SRGAP1: variants seen among roughly 807,000 people sequenced by gnomAD.
SRGAP1 encodes SLIT-ROBO Rho GTPase-activating protein 1.
SRGAP1 carries 43 observed loss-of-function variants against 121.9 expected under a neutral mutation model. That is an observed-to-expected ratio of 0.35 (90% confidence interval 0.28 to 0.46). SRGAP1 has a LOEUF of 0.46. SRGAP1 is among the 20% of genes least tolerant of loss of function. The pLI is 1.00. For synonymous variants in SRGAP1, 447 were observed against 485.4 expected (o/e 0.92, Z 1.04); for missense variants, 1,102 against 1,350.9 (o/e 0.82, Z 2.89).
At chr12:63,964,294 ATATGAT>A (rs1368199439) in intron 1 of SRGAP1, among the ~76,000 whole-genome samples, 4 of 152,234 alleles carry the variant, frequency 2.6e-5, no homozygotes. Flanking sequence ...CTATAGCAAT[ATATGAT>A]TATAATTGTT....
At chr12:63,978,796 G>T (rs933579691) in intron 1 of SRGAP1, among the ~76,000 whole-genome samples, 1 of 152,116 alleles carries the variant, frequency 6.6e-6, no homozygotes, top group African/African-American at 2.4e-5. Flanking sequence ...TTTCCAAAAG[G>T]ACTGCATCAT....
intron 1 of SRGAP1, among the ~76,000 whole-genome samples, chr12:63,891,851 G>A (rs755766215): frequency 2.0e-5 from 3 of 151,796 alleles, no homozygotes; most frequent in Admixed American, 6.6e-5. Flanking sequence ...GCTGGGTGTG[G>A]TGGCAGACAC....
chr12:63,989,856 C>G (rs1396345303), intron 2 of SRGAP1, 54 bp from the exon 3 acceptor site: 2 of 1,474,650 alleles, frequency 1.4e-6, no homozygotes, highest in African/African-American at 2.8e-5. Flanking sequence ...CTTCACTCAT[C>G]TGATTGGGGC....
chr12:64,015,921 T>C (rs1001724440), intron 3 of SRGAP1, among the ~76,000 whole-genome samples: 2 of 152,218 alleles, frequency 1.3e-5, no homozygotes, highest in Admixed American at 6.5e-5. Flanking sequence ...AAAAGGTCAT[T>C]TGGATATATG....
intron 1 of SRGAP1, among the ~76,000 whole-genome samples, chr12:63,948,994 T>A (rs58437776): frequency 1.2e-4 from 17 of 139,198 alleles, no homozygotes; most frequent in African/African-American, 4.4e-4. Flanking sequence ...TCCATATATG[T>A]ATTTTCCATA....
rs540060309 is a variant in SRGAP1 at position 64,029,082 on chromosome 12, C to A, written c.489+12070C>A. 3.3e-4 allele frequency among the ~76,000 whole-genome samples: 50 copies of A among 152,258 alleles called. 1 individual carries two copies. The South Asian group carries it at 0.01, about 32-fold the overall frequency. On this transcript the variant is annotated intron_variant, in intron 4 of 21. Transcript: ENST00000355086. ...GTATTTGAACCCAAGCATTCTGATT[C>A]CTGGGATGAGCCATTAGAGCTGTTC...
At chr12:63,990,430 G>C (rs905207672) in intron 3 of SRGAP1, among the ~76,000 whole-genome samples, 4 of 152,178 alleles carry the variant, frequency 2.6e-5, no homozygotes, top group Non-Finnish European at 5.9e-5. Context: ...TACTTGGGAG[G>C]CTGAGGCAGG....
Position 64,040,710 on chromosome 12 carries a change from G to A in SRGAP1, c.490-2080G>A, listed in dbSNP as rs184804621. Among the ~76,000 whole-genome samples, 44 of 152,196 alleles carry A rather than the reference G, an allele frequency of 2.9e-4. 1 individual carries two copies. Among genetic ancestry groups the A allele is most frequent in the Admixed American group, 2.4e-3 (36 of 15,278 alleles). ...CCTAAGAATACAGAGATTACATACC[G>A]ATTTATAGGTACCGTTATAAAAATA... On this transcript the variant is annotated intron_variant, in intron 4 of 21. Coordinates refer to ENST00000355086, the MANE Select transcript of SRGAP1 (RefSeq NM_020762.4).
At chr12:64,141,872 C>G (rs919567117) in intron 21 of SRGAP1, among the ~76,000 whole-genome samples, 3 of 152,102 alleles carry the variant, frequency 2.0e-5, no homozygotes, top group African/African-American at 7.2e-5. Flanking sequence ...TAGCACATAC[C>G]TGTGGTCCCA....
rs547732464 is a variant in SRGAP1, at chr12:64,097,501, A to T, written c.1813+126A>T. Reference sequence around the variant, plus strand: ...ACCCCATTACCACCATATTTCTGGGACCATTTGTTTTCTTTCTGGATCCAG... The same window carrying T: ...ACCCCATTACCACCATATTTCTGGGTCCATTTGTTTTCTTTCTGGATCCAG... On this transcript the variant is annotated intron_variant, in intron 15 of 21. Coordinates refer to ENST00000355086, the MANE Select transcript of SRGAP1 (RefSeq NM_020762.4). The T allele has an allele frequency of 6.7e-6, 7 of 1,044,138 alleles. No homozygotes were observed. The African/African-American group carries it at 9.2e-5, about 14-fold the overall frequency. The allele number at this position is 1,044,138 out of a possible 1,614,324, so 64.7% of individuals were successfully genotyped here.
chr12:64,085,385 T>G (rs1283934162), intron 10 of SRGAP1, among the ~76,000 whole-genome samples: 5 of 152,206 alleles, frequency 3.3e-5, no homozygotes, highest in Admixed American at 2.6e-4. Context: ...TCATAAAGTA[T>G]GCAACATAAC....
At chr12:63,931,955 A>G (rs896885799) in intron 1 of SRGAP1, among the ~76,000 whole-genome samples, 2 of 152,210 alleles carry the variant, frequency 1.3e-5, no homozygotes, top group African/African-American at 4.8e-5. Flanking sequence ...AAATAAGAGA[A>G]GGACAGATTG....
intron 17 of SRGAP1, among the ~76,000 whole-genome samples, chr12:64,112,938 T>C (rs1184822963): frequency 2.0e-5 from 3 of 151,948 alleles, no homozygotes; most frequent in Non-Finnish European, 4.4e-5. Flanking sequence ...GCTATAAAAA[T>C]ACAGTTAGGT....
intron 1 of SRGAP1, among the ~76,000 whole-genome samples, chr12:63,913,734 G>A (rs569195504): frequency 1.1e-4 from 17 of 151,628 alleles, no homozygotes; most frequent in South Asian, 6.3e-4. Flanking sequence ...TGTGTTACCC[G>A]TCGTCCATAA....
chr12:64,132,310 A>G (rs940535350), intron 21 of SRGAP1, among the ~76,000 whole-genome samples: 7 of 152,234 alleles, frequency 4.6e-5, no homozygotes, highest in African/African-American at 1.2e-4. Context: ...TGACACCTCA[A>G]GCACCATTGG....
At chr12:63,991,746 T>G (rs550673019) in intron 3 of SRGAP1, among the ~76,000 whole-genome samples, 2 of 152,272 alleles carry the variant, frequency 1.3e-5, no homozygotes, top group African/African-American at 4.8e-5. Flanking sequence ...AGGTCACAAT[T>G]TATCCAAATT....
chr12:64,106,151 C>T (rs2036342428), intron 15 of SRGAP1, among the ~76,000 whole-genome samples: 1 of 152,138 alleles, frequency 6.6e-6, no homozygotes, highest in Admixed American at 6.6e-5. Context: ...TCGACCTTAA[C>T]TTTAAAATGA....
intron 6 of SRGAP1, among the ~76,000 whole-genome samples, chr12:64,059,191 G>A (rs1393230665): frequency 6.6e-6 from 1 of 152,104 alleles, no homozygotes; most frequent in African/African-American, 2.4e-5. Flanking sequence ...CCAACTGACT[G>A]CACTGGGTAT....
At chr12:63,858,806 G>A (rs1304353691) in intron 1 of SRGAP1, among the ~76,000 whole-genome samples, 4 of 152,082 alleles carry the variant, frequency 2.6e-5, no homozygotes, top group Admixed American at 2.0e-4. Context: ...GGGTTCAAGC[G>A]ATTCTCCTGC....
Sources: gnomAD v4.1 joint callset for allele counts (sites outside exome capture counted in the v4.1 genomes callset) on GRCh38, gnomAD v4.1.1 for gene constraint, MANE v1.5 for transcripts, NCBI Gene and HGNC (gene_info 2026-07-23, HGNC 2026-07-21) for gene names.